Variants in DLG2 observed in about 807,000 individuals in gnomAD.
The protein encoded by DLG2 is disks large homolog 2.
DLG2 carries 45 observed loss-of-function variants against 132.5 expected under a neutral mutation model. The observed-to-expected ratio is 0.34, with a 90% confidence interval of 0.27 to 0.44. The LOEUF (loss-of-function observed/expected upper bound fraction) is 0.44, where lower values mean the gene tolerates loss of function less well. DLG2 is among the 20% of genes least tolerant of loss of function. The pLI, the probability that DLG2 is intolerant of heterozygous loss-of-function variation, is 1.00. For missense variants in DLG2, 1,045 were observed against 1,196.9 expected (o/e 0.87, Z 1.87); for synonymous variants, 424 against 419.6 (o/e 1.01, Z -0.13).
intron 6 of DLG2, among the ~76,000 whole-genome samples, chr11:84,787,228 T>C (rs762096246): frequency 5.3e-5 from 8 of 152,140 alleles, no homozygotes; most frequent in Non-Finnish European, 1.2e-4. Flanking sequence ...GGGGCTTCTG[T>C]ACTTTCTATT....
At chr11:85,242,188 T>C (rs2075914710) in intron 4 of DLG2, among the ~76,000 whole-genome samples, 1 of 151,958 alleles carries the variant, frequency 6.6e-6, no homozygotes. Context: ...TCAAAGCCTT[T>C]TTCCTTCAAA....
At chr11:83,668,034 G>T (rs1450462030) in intron 18 of DLG2, among the ~76,000 whole-genome samples, 2 of 140,454 alleles carry the variant, frequency 1.4e-5, no homozygotes, top group Non-Finnish European at 3.1e-5. Context: ...GCCCCTGGCT[G>T]CCAGTCACTT....
chr11:85,287,086 C>CTAAGAGTGA (rs1399993478), intron 3 of DLG2, among the ~76,000 whole-genome samples: 2 of 152,032 alleles, frequency 1.3e-5, no homozygotes, highest in East Asian at 3.9e-4. Context: ...GAGGAAACTT[C>CTAAGAGTGA]TAAGAGTGAT....
At chr11:84,221,593 G>GC (rs1243579983) in intron 8 of DLG2, among the ~76,000 whole-genome samples, 4 of 152,102 alleles carry the variant, frequency 2.6e-5, no homozygotes, top group African/African-American at 9.7e-5. Context: ...CTAGCTGGCT[G>GC]CCCAGTTTAA....
rs144203143 is a variant in DLG2 at position 83,868,791 on chromosome 11, C to A, written c.1565+5629G>T. On this transcript the variant is annotated intron_variant, in intron 16 of 27. Coordinates refer to ENST00000376104, the MANE Select transcript of DLG2 (RefSeq NM_001142699.3). Reference sequence around the variant, plus strand: ...TTCAGTATATTTATCAGCATGTCAACTCCTCCCTGTCCCCAACACTACTTA... The same window carrying A: ...TTCAGTATATTTATCAGCATGTCAAATCCTCCCTGTCCCCAACACTACTTA... 2.4e-3 allele frequency among the ~76,000 whole-genome samples: 372 copies of A among 152,206 alleles called. 4 individuals carry two copies. The East Asian group carries it at 0.027, about 11-fold the overall frequency.
chr11:83,975,615 A>T (rs1344793508), intron 12 of DLG2, among the ~76,000 whole-genome samples: 1 of 152,004 alleles, frequency 6.6e-6, no homozygotes, highest in East Asian at 1.9e-4. Flanking sequence ...AGTAGGAAAT[A>T]AAACTGTAAG....
chr11:84,916,295 G>A (rs2092456159), intron 6 of DLG2, among the ~76,000 whole-genome samples: 1 of 124,406 alleles, frequency 8.0e-6, no homozygotes, highest in Non-Finnish European at 1.6e-5. Flanking sequence ...CATGCAGTGA[G>A]CCGAGATTGC....
intron 6 of DLG2, among the ~76,000 whole-genome samples, chr11:85,087,130 G>A (rs2068039605): frequency 6.6e-6 from 1 of 152,100 alleles, no homozygotes; most frequent in Non-Finnish European, 1.5e-5. Flanking sequence ...ATTATGCTAG[G>A]TACTAGGTAT....
At chr11:85,471,335 C>A (rs2092977314) in intron 3 of DLG2, among the ~76,000 whole-genome samples, 1 of 151,988 alleles carries the variant, frequency 6.6e-6, no homozygotes, top group Non-Finnish European at 1.5e-5. Context: ...TCTAAACTCA[C>A]AAAACACACA....
chr11:85,395,200 T>A (rs74795204), intron 3 of DLG2, among the ~76,000 whole-genome samples: 2,096 of 152,246 alleles, frequency 0.014, 27 homozygotes, highest in Non-Finnish European at 0.022. Context: ...AAAGTGTTAA[T>A]AAAGATCAGA....
intron 7 of DLG2, among the ~76,000 whole-genome samples, chr11:84,522,181 C>CAAAAAAAAAAA (rs1257824594): frequency 1.1e-5 from 1 of 93,040 alleles, no homozygotes. Flanking sequence ...AACGAACAAA[C>CAAAAAAAAAAA]AAAAAAAAAA....
chr11:84,257,797 C>T (rs890810482), intron 7 of DLG2, among the ~76,000 whole-genome samples: 1 of 151,442 alleles, frequency 6.6e-6, no homozygotes, highest in African/African-American at 2.4e-5. Flanking sequence ...AGCCATCCTC[C>T]CATCTCAGAC....
At chr11:84,982,211 T>G (rs1458687172) in intron 6 of DLG2, among the ~76,000 whole-genome samples, 1 of 128,080 alleles carries the variant, frequency 7.8e-6, no homozygotes, top group East Asian at 3.2e-4. Context: ...AATAGCTACC[T>G]CAAATTACTT....
At chr11:85,216,102 A>AT (rs1227236608) in intron 4 of DLG2, among the ~76,000 whole-genome samples, 1 of 152,154 alleles carries the variant, frequency 6.6e-6, no homozygotes, top group Non-Finnish European at 1.5e-5. Context: ...GGATCCCTGA[A>AT]TGCAGGAGTT....
In DLG2 at chr11:84,950,286, T is replaced by TA. The variant is rs965235565; in HGVS notation, c.357+161374dup. Among the ~76,000 whole-genome samples the TA allele has an allele frequency of 9.1e-4, 138 of 151,760 alleles. No homozygotes were observed. In the Middle Eastern group the frequency reaches 0.01, roughly 11 times the overall value. On this transcript the variant is annotated intron_variant, in intron 6 of 27. Transcript: ENST00000376104. ...CAACTCCTAATTATGAGAAGATTAA[T>TA]AAAAAAAAATCTATGGCTGTCTGTG...
intron 7 of DLG2, among the ~76,000 whole-genome samples, chr11:84,429,018 C>T (rs1028165199): frequency 1.3e-5 from 2 of 152,122 alleles, no homozygotes; most frequent in African/African-American, 2.4e-5. Context: ...AAACGCAATG[C>T]TATAAAATGC....
chr11:84,725,400 C>G (rs1441233963), intron 6 of DLG2, among the ~76,000 whole-genome samples: 2 of 152,090 alleles, frequency 1.3e-5, no homozygotes, highest in African/African-American at 4.8e-5. Context: ...ATCCCTTTCC[C>G]TCTCCTCTCC....
rs552398095 is a variant in DLG2, at chr11:84,606,278, C to A, written c.358-71547G>T. Among the ~76,000 whole-genome samples, 17 of 152,162 alleles carry A rather than the reference C, an allele frequency of 1.1e-4. No individual in the cohort carries two copies. The South Asian group carries it at 2.9e-3, about 26-fold the overall frequency. On this transcript the variant is annotated intron_variant, in intron 6 of 27. Coordinates refer to ENST00000376104, the MANE Select transcript of DLG2 (RefSeq NM_001142699.3). ...CAATATTAGGGAAGTGGATAAACCG[C>A]AGCATATTCATGGAATTTTATGCGT...
chr11:84,004,946 TC>T (rs372256665), intron 11 of DLG2, among the ~76,000 whole-genome samples: 33 of 19,058 alleles, frequency 1.7e-3, no homozygotes, highest in African/African-American at 3.0e-3. Context: ...TTATATAGAA[TC>T]AAAAAAAAAA....
Sources: gnomAD v4.1 joint callset for allele counts (sites outside exome capture counted in the v4.1 genomes callset) on GRCh38, gnomAD v4.1.1 for gene constraint, MANE v1.5 for transcripts, NCBI Gene and HGNC (gene_info 2026-07-23, HGNC 2026-07-21) for gene names.